Variants in BPIFC observed in about 807,000 individuals in gnomAD.
BPIFC encodes the protein BPI fold containing family C, also known as BPI fold-containing family C protein.
Under a neutral mutation model 57.6 loss-of-function variants are expected in BPIFC, and 60 were observed. The observed-to-expected ratio is 1.04, with a 90% CI of 0.85 to 1.29. BPIFC has a LOEUF of 1.29. BPIFC is among the 50% of genes most tolerant of loss of function. The probability of loss-of-function intolerance (pLI) is 0.00; values close to 1 mark genes in which losing one functional copy is unlikely to be tolerated. For missense variants in BPIFC, 581 were observed against 600.5 expected, an observed-to-expected ratio of 0.97 and a Z score of 0.34; for synonymous variants, 243 against 224.5, an observed-to-expected ratio of 1.08 and a Z score of -0.74.
rs562725373 is a variant in BPIFC, at chr22:32,457,438, G to A, written c.1-52C>T. 5 of 1,568,986 alleles carry A rather than the reference G, an allele frequency of 3.2e-6. No homozygotes were observed. The East Asian group carries it at 6.9e-5, about 22-fold the overall frequency. ...CTTTATTATTCTTGACTTTCTCTTT[G>A]GTCAATTAAATCCAACATTTCTAGA... On this transcript the variant is annotated intron_variant, in intron 2 of 16. Transcript: ENST00000300399.
Position 32,432,509 on chromosome 22 carries a change from A to G in BPIFC, c.1013T>C (p.Met338Thr). ...AGGCTCTGTGGCCATGATCCTCACC[A>G]TGAAGGGCTGGGACAAGATGTAGAT... Reference protein sequence around the residue: ...AEIYILSQPFMVRIMATEPPI... With the variant: ...AEIYILSQPFTVRIMATEPPI... The change falls in exon 12 of 17, where the codon ATG (methionine) becomes ACG (threonine). Residue 338 changes from methionine (M) to threonine (T), a missense_variant. Transcript: ENST00000300399. The G allele has an allele frequency of 1.2e-6, 2 of 1,614,162 alleles. No individual in the cohort carries two copies. Among genetic ancestry groups the G allele is most frequent in the South Asian group, 1.1e-5 (1 of 91,088 alleles).
chr22:32,448,185 C>T (rs1323276571), intron 4 of BPIFC, among the ~76,000 whole-genome samples: 1 of 152,034 alleles, frequency 6.6e-6, no homozygotes, highest in Non-Finnish European at 1.5e-5. Context: ...TCTCCTGCCT[C>T]AGCCTCCCAA....
Position 32,433,670 on chromosome 22 carries a change from T to A in BPIFC, c.978+49A>T, listed in dbSNP as rs769120061. On this transcript the variant is annotated intron_variant, in intron 11 of 16. Coordinates refer to ENST00000300399, the MANE Select transcript of BPIFC (RefSeq NM_174932.3). ...GAACCCACAAGTCTTCCAGAAGTAA[T>A]TGCAATGGAGCCAAATACACTATCA... 1.0e-5 allele frequency: 16 copies of A among 1,541,814 alleles called. No individual in the cohort carries two copies. The South Asian group carries it at 1.6e-4, about 15-fold the overall frequency.
intron 13 of BPIFC, among the ~76,000 whole-genome samples, chr22:32,430,649 ATT>A (rs1350629103): frequency 6.6e-6 from 1 of 150,528 alleles, no homozygotes; most frequent in Non-Finnish European, 1.5e-5. Flanking sequence ...AGAGAGATAT[ATT>A]TTTTTGAGAG....
At chr22:32,443,090 T>C (rs1167446074) in intron 7 of BPIFC, among the ~76,000 whole-genome samples, 1 of 151,216 alleles carries the variant, frequency 6.6e-6, no homozygotes, top group East Asian at 2.0e-4. Flanking sequence ...TCCTGACTGC[T>C]GGGGGTGCCG....
At chr22:32,435,604 G>T in intron 10 of BPIFC, 100 bp downstream of exon 10, 2 of 1,261,628 alleles carry the variant, frequency 1.6e-6, no homozygotes, top group East Asian at 2.4e-5. Flanking sequence ...GCCTAAAAAG[G>T]TCCCAGAATC....
chr22:32,448,370 G>A (rs997396395), intron 4 of BPIFC, among the ~76,000 whole-genome samples: 1 of 152,150 alleles, frequency 6.6e-6, no homozygotes, highest in African/African-American at 2.4e-5. Context: ...ACTGTGTCCA[G>A]CCCTTGGCAC....
At chr22:32,454,009 G>T (rs1934971762) in intron 3 of BPIFC, among the ~76,000 whole-genome samples, 2 of 152,164 alleles carry the variant, frequency 1.3e-5, no homozygotes, top group Non-Finnish European at 2.9e-5. Context: ...GACTCAGGAT[G>T]CTGAGTTGGA....
At chr22:32,436,996 T>A (rs1304590246) in intron 9 of BPIFC, among the ~76,000 whole-genome samples, 1 of 152,232 alleles carries the variant, frequency 6.6e-6, no homozygotes, top group African/African-American at 2.4e-5. Flanking sequence ...ATGATTGTTT[T>A]TCCATGATCA....
chr22:32,456,837 T>G (rs34088079), intron 3 of BPIFC, among the ~76,000 whole-genome samples: 10,793 of 152,174 alleles, frequency 0.071, 411 homozygotes, highest in Admixed American at 0.08. Context: ...TGAAGGAGCC[T>G]CTCCTCAGAA....
intron 11 of BPIFC, among the ~76,000 whole-genome samples, chr22:32,433,450 T>C (rs1044195439): frequency 2.6e-5 from 4 of 152,196 alleles, no homozygotes; most frequent in African/African-American, 9.7e-5. Flanking sequence ...AATCCTTTAT[T>C]TAAACTAATT....
At chr22:32,455,792 G>A (rs1224143398) in intron 3 of BPIFC, among the ~76,000 whole-genome samples, 1 of 152,190 alleles carries the variant, frequency 6.6e-6, no homozygotes, top group African/African-American at 2.4e-5. Flanking sequence ...TTGTAGGGTT[G>A]TTGGTGGAAT....
At chr22:32,448,262 C>G (rs756392721) in intron 4 of BPIFC, among the ~76,000 whole-genome samples, 13 of 151,852 alleles carry the variant, frequency 8.6e-5, no homozygotes, top group Non-Finnish European at 1.8e-4. Flanking sequence ...TAGAGACGGG[C>G]TTTCACCATG....
rs542919465 is a variant in BPIFC at position 32,434,560 on chromosome 22, T to C, written c.925-788A>G. ...TCTATGTGTACATATTCTTCACTTA[T>C]ATATATTACAATCTATCTATGTATA... On this transcript the variant is annotated intron_variant, in intron 10 of 16. Coordinates refer to ENST00000300399, the MANE Select transcript of BPIFC (RefSeq NM_174932.3). Among the ~76,000 whole-genome samples the C allele has an allele frequency of 9.9e-4, 150 of 151,798 alleles. 2 individuals carry two copies. Among genetic ancestry groups the C allele is most frequent in the African/African-American group, 3.0e-3 (124 of 41,468 alleles).
At chr22:32,419,817 A>C (rs1328888600) in intron 13 of BPIFC, among the ~76,000 whole-genome samples, 4 of 151,256 alleles carry the variant, frequency 2.6e-5, no homozygotes, top group African/African-American at 4.9e-5. Flanking sequence ...AAAAAAAAAA[A>C]AAAAAAACAG....
chr22:32,441,891 A>C (rs1291672457), intron 8 of BPIFC, among the ~76,000 whole-genome samples: 1 of 152,218 alleles, frequency 6.6e-6, no homozygotes, highest in Non-Finnish European at 1.5e-5. Context: ...ATCAGGCATT[A>C]GATTCCCATA....
At chr22:32,456,261 C>T (rs1246635284) in intron 3 of BPIFC, among the ~76,000 whole-genome samples, 1 of 152,194 alleles carries the variant, frequency 6.6e-6, no homozygotes, top group African/African-American at 2.4e-5. Flanking sequence ...ATTCCTGGTA[C>T]GTATTTCTAC....
chr22:32,456,713 C>T (rs756324498), intron 3 of BPIFC, among the ~76,000 whole-genome samples: 4 of 152,084 alleles, frequency 2.6e-5, no homozygotes, highest in Non-Finnish European at 4.4e-5. Context: ...CTCATCTTAG[C>T]CCAAGGAAAA....
chr22:32,457,441 C>A, intron 2 of BPIFC, 55 bp from the exon 3 acceptor site: 2 of 1,560,180 alleles, frequency 1.3e-6, no homozygotes, highest in South Asian at 2.4e-5. Flanking sequence ...TCTCTTTGGT[C>A]AATTAAATCC....
Sources: allele counts gnomAD v4.1 joint callset (sites outside exome capture counted in the v4.1 genomes callset), GRCh38; gene constraint gnomAD v4.1.1; transcripts MANE v1.5; gene names NCBI Gene and HGNC (gene_info 2026-07-23, HGNC 2026-07-21).